The following CRACD variants were observed in gnomAD, a reference collection of about 807,000 sequenced individuals.
The protein encoded by CRACD is capping protein inhibiting regulator of actin dynamics, also known as capping protein-inhibiting regulator of actin dynamics.
A neutral mutation model predicts 106.8 loss-of-function variants in CRACD; 56 were observed. The observed-to-expected ratio is 0.52, with a 90% CI of 0.42 to 0.66. The LOEUF (loss-of-function observed/expected upper bound fraction) is 0.66, where lower values mean the gene tolerates loss of function less well. Among genes scored for constraint, CRACD ranks in the 30% least tolerant of loss-of-function variants. The pLI is 0.00. For missense variants in CRACD, 1,730 were observed against 1,623.2 expected, an observed-to-expected ratio of 1.07 and a Z score of -1.13; for synonymous variants, 754 against 670.8, an observed-to-expected ratio of 1.12 and a Z score of -1.92.
intron 1 of CRACD, among the ~76,000 whole-genome samples, chr4:56,171,267 A>G (rs989416321): frequency 1.3e-5 from 2 of 151,898 alleles, no homozygotes; most frequent in African/African-American, 4.8e-5. Flanking sequence ...AGTATAATAA[A>G]AAAAAAAAAA....
intron 2 of CRACD, among the ~76,000 whole-genome samples, chr4:56,257,124 C>G (rs914698189): frequency 2.5e-4 from 37 of 148,092 alleles, no homozygotes; most frequent in African/African-American, 9.0e-4. Flanking sequence ...CTATGTCACC[C>G]AGTCTGGAGT....
At chr4:56,068,550 G>A (rs939582667) in intron 1 of CRACD, among the ~76,000 whole-genome samples, 2 of 152,182 alleles carry the variant, frequency 1.3e-5, no homozygotes, top group Non-Finnish European at 2.9e-5. Flanking sequence ...AGGGGAAGGA[G>A]TATAAGAGCA....
chr4:56,319,452 C>T (rs1351263275), intron 8 of CRACD, among the ~76,000 whole-genome samples: 1 of 151,424 alleles, frequency 6.6e-6, no homozygotes, highest in Non-Finnish European at 1.5e-5. Context: ...ACAAAAAATT[C>T]AAAAATTAGC....
At chr4:56,183,692 C>G (rs1736954718) in intron 2 of CRACD, among the ~76,000 whole-genome samples, 1 of 152,144 alleles carries the variant, frequency 6.6e-6, no homozygotes, top group Non-Finnish European at 1.5e-5. Flanking sequence ...TGACCTCAAA[C>G]CAGGAAGATT....
chr4:56,308,906 G>A (rs1744940815), intron 5 of CRACD: 2 of 1,288,950 alleles, frequency 1.6e-6, no homozygotes, highest in Non-Finnish European at 2.0e-6. Context: ...GTGGCCTGGG[G>A]GATTGTTTGT....
In CRACD at chr4:56,313,280, C is replaced by T; in HGVS notation, c.438C>T (p.Pro146=). 1.2e-6 allele frequency: 2 copies of T among 1,614,240 alleles called. No homozygotes were observed. Among genetic ancestry groups the T allele is most frequent in the East Asian group, 2.2e-5 (1 of 44,884 alleles). ...AAAGTGTCAACTTAGATGCCATCCC[C>T]CTGGCCATCGCTCGCCTGGACAACA... The part of the protein sequence containing the change: ...TIESVNLDAI[P]LAIARLDNSA... The change falls in exon 7 of 11, where the codon CCC becomes CCT. Residue 146 remains proline (P), a synonymous_variant. Transcript: ENST00000682029.
Position 56,227,978 on chromosome 4 carries a change from A to G in CRACD, c.-188-44343A>G, listed in dbSNP as rs115788755. Among the ~76,000 whole-genome samples the G allele has an allele frequency of 6.8e-3, 1,041 of 152,216 alleles. 12 individuals are homozygous for G. Among genetic ancestry groups the G allele is most frequent in the African/African-American group, 0.024 (993 of 41,534 alleles). On this transcript the variant is annotated intron_variant, in intron 2 of 10. Transcript: ENST00000682029. ...GGCTCAGTATTGAGGCTAATTCTTT[A>G]CAAAGCAGGATATATGTAAGGAGCA...
chr4:56,172,844 G>A (rs1402614708), intron 1 of CRACD, among the ~76,000 whole-genome samples: 4 of 152,068 alleles, frequency 2.6e-5, no homozygotes, highest in Admixed American at 6.6e-5. Flanking sequence ...GGATGGTCTC[G>A]ATCTCCTGAC....
At chr4:56,235,946 C>T (rs1185673144) in intron 2 of CRACD, among the ~76,000 whole-genome samples, 1 of 152,126 alleles carries the variant, frequency 6.6e-6, no homozygotes, top group East Asian at 1.9e-4. Flanking sequence ...GCCCACCATC[C>T]GTGCATGAAT....
chr4:56,324,398 A>C (rs1746300301), intron 10 of CRACD, 132 bp downstream of exon 10: 2 of 802,172 alleles, frequency 2.5e-6, no homozygotes, highest in Admixed American at 3.2e-5. Flanking sequence ...TGATAACCTC[A>C]TTCATAAACG....
At chr4:56,093,654 T>A (rs569430590) in intron 1 of CRACD, among the ~76,000 whole-genome samples, 1 of 152,308 alleles carries the variant, frequency 6.6e-6, no homozygotes, top group African/African-American at 2.4e-5. Flanking sequence ...CCATTTGAGA[T>A]CTTCAGTGCC....
chr4:56,307,476 TTG>T, intron 4 of CRACD, 57 bp from the exon 5 acceptor site: 1 of 1,567,226 alleles, frequency 6.4e-7, no homozygotes, highest in South Asian at 1.2e-5. Context: ...GAGAACCTGG[TTG>T]TGGTGGTTGT....
intron 1 of CRACD, among the ~76,000 whole-genome samples, chr4:56,102,278 A>G (rs1733797230): frequency 6.6e-6 from 1 of 152,122 alleles, no homozygotes; most frequent in Non-Finnish European, 1.5e-5. Flanking sequence ...CATTTTTCTG[A>G]TTATGAATGA....
At chr4:56,107,348 C>G (rs1017042764) in intron 1 of CRACD, among the ~76,000 whole-genome samples, 1 of 152,154 alleles carries the variant, frequency 6.6e-6, no homozygotes, top group African/African-American at 2.4e-5. Context: ...CATGTTCCCC[C>G]TCTGTGTAAT....
chr4:56,293,363 T>C (rs1467201496), intron 3 of CRACD, among the ~76,000 whole-genome samples: 2 of 152,118 alleles, frequency 1.3e-5, no homozygotes, highest in African/African-American at 4.8e-5. Context: ...TAACCCAAGC[T>C]GAATAAATTA....
At chr4:56,197,898 C>T (rs560627628) in intron 2 of CRACD, among the ~76,000 whole-genome samples, 8 of 152,236 alleles carry the variant, frequency 5.3e-5, no homozygotes, top group Non-Finnish European at 1.0e-4. Flanking sequence ...AGGATGGTCT[C>T]GATCTCCTGA....
chr4:56,100,204 A>G (rs1733733872), intron 1 of CRACD, among the ~76,000 whole-genome samples: 1 of 151,936 alleles, frequency 6.6e-6, no homozygotes. Context: ...GAGCATGCCA[A>G]TGCACTCCAG....
At chr4:56,229,667 A>G (rs1375280651) in intron 2 of CRACD, among the ~76,000 whole-genome samples, 1 of 152,190 alleles carries the variant, frequency 6.6e-6, no homozygotes, top group Non-Finnish European at 1.5e-5. Flanking sequence ...ATATATCCTG[A>G]TGCTTCTTAG....
chr4:56,298,297 C>T lies in CRACD; in HGVS notation c.68C>T (p.Thr23Ile). 2 of 1,614,142 alleles carry T rather than the reference C, an allele frequency of 1.2e-6. No homozygotes were observed. The highest frequency in any genetic ancestry group is 1.1e-5 in the South Asian group (1 of 91,066). ...IPDGGAESEQTVQAMSQDNIL... is the reference protein window; with the variant it reads ...IPDGGAESEQIVQAMSQDNIL... ...GATGGGGGAGCAGAAAGTGAGCAGA[C>T]AGTTCAAGCAATGTCACAGGACAAC... The change falls in exon 4 of 11, where the codon ACA becomes ATA. Residue 23 changes from threonine (T) to isoleucine (I), a missense_variant. Transcript: ENST00000682029.
Sources: gnomAD v4.1 joint callset for allele counts (sites outside exome capture counted in the v4.1 genomes callset) on GRCh38, gnomAD v4.1.1 for gene constraint, MANE v1.5 for transcripts, NCBI Gene and HGNC (gene_info 2026-07-23, HGNC 2026-07-21) for gene names.